The following NUP35 variants were observed in gnomAD, a reference collection of about 807,000 sequenced individuals.
NUP35 encodes nucleoporin NUP35.
A neutral mutation model predicts 41.5 loss-of-function variants in NUP35; 25 were observed. The observed-to-expected ratio is 0.60, with a 90% CI of 0.44 to 0.84. NUP35 has a LOEUF of 0.84. Ranked by LOEUF, NUP35 falls within the 40% of genes least tolerant of loss-of-function variation. NUP35 has a pLI of 0.00. For missense variants in NUP35, 396 were observed against 396.6 expected (o/e 1.00, Z 0.01); for synonymous variants, 149 against 130.7 (o/e 1.14, Z -0.96).
chr2:183,154,976 G>A (rs990482419), intron 5 of NUP35, among the ~76,000 whole-genome samples: 16 of 152,228 alleles, frequency 1.1e-4, no homozygotes, highest in South Asian at 4.2e-4. Flanking sequence ...AAGCAAAAGC[G>A]GAAGCCCCTG....
At chr2:183,139,999 A>G (rs1407929586) in intron 4 of NUP35, among the ~76,000 whole-genome samples, 2 of 152,246 alleles carry the variant, frequency 1.3e-5, no homozygotes, top group East Asian at 3.8e-4. Flanking sequence ...GTGTATTTGC[A>G]TCCAACTTGG....
At chr2:183,129,136 G>A (rs758665121) in intron 2 of NUP35, among the ~76,000 whole-genome samples, 33 of 152,190 alleles carry the variant, frequency 2.2e-4, no homozygotes, top group Non-Finnish European at 4.4e-4. Context: ...CAAAAGAAGT[G>A]TAACTTGAAG....
At chr2:183,147,978 T>G (rs1032053900) in intron 4 of NUP35, among the ~76,000 whole-genome samples, 1 of 152,134 alleles carries the variant, frequency 6.6e-6, no homozygotes, top group African/African-American at 2.4e-5. Flanking sequence ...GGTTCTCAGC[T>G]TGAATGTTAT....
chr2:183,157,608 A>T (rs1177581620), intron 6 of NUP35, 95 bp downstream of exon 6: 2 of 891,494 alleles, frequency 2.2e-6, no homozygotes, highest in Non-Finnish European at 1.8e-6. Context: ...GGTTTTTTTT[A>T]AACTTAAATT....
chr2:183,136,914 A>T (rs1362229211), intron 4 of NUP35, among the ~76,000 whole-genome samples: 1 of 152,008 alleles, frequency 6.6e-6, no homozygotes, highest in Non-Finnish European at 1.5e-5. Flanking sequence ...ATATGGGGAA[A>T]CCCTGTCTCT....
At chr2:183,121,412 A>G (rs546195486), upstream of NUP35, among the ~76,000 whole-genome samples, 40 of 152,176 alleles carry the variant, frequency 2.6e-4, no homozygotes, top group Admixed American at 1.4e-3. Flanking sequence ...AGGCCTAGGG[A>G]GGGTTTCAAT....
chr2:183,133,229 A>G (rs924539158), intron 3 of NUP35, among the ~76,000 whole-genome samples: 1 of 151,992 alleles, frequency 6.6e-6, no homozygotes, highest in Non-Finnish European at 1.5e-5. Context: ...GAACCTGGTC[A>G]TTTTAAAAAT....
In NUP35 at chr2:183,161,061, C is replaced by T. The variant is rs560967485; in HGVS notation, c.911C>T (p.Ser304Phe). 29 of 1,611,850 alleles carry T rather than the reference C, an allele frequency of 1.8e-5. No homozygotes were observed. The African/African-American group carries it at 3.9e-4, about 22-fold the overall frequency. ...KASTSDYQVI[S>F]DRQTPKKDES... ...GTGTGTGTTTTTTAATAGGTTATTT[C>T]TGACAGACAAACGCCAAAAAAAGAT... The change falls in exon 9 of 9, where the codon TCT becomes TTT. Residue 304 changes from serine (S) to phenylalanine (F), a missense_variant. Physicochemically the swap from Ser to Phe is radical, Grantham distance 155. Transcript: ENST00000295119.
At chr2:183,150,431 C>T (rs1685429328) in intron 4 of NUP35, among the ~76,000 whole-genome samples, 1 of 152,146 alleles carries the variant, frequency 6.6e-6, no homozygotes, top group Admixed American at 6.5e-5. Flanking sequence ...CATCTAAGAC[C>T]AATCATGTCT....
chr2:183,129,071 A>G (rs985381146), intron 2 of NUP35, among the ~76,000 whole-genome samples: 1 of 152,206 alleles, frequency 6.6e-6, no homozygotes, highest in African/African-American at 2.4e-5. Context: ...TTTAGCTTCA[A>G]CTGAATTCAT....
chr2:183,121,371 A>G (rs1700064768), upstream of NUP35, among the ~76,000 whole-genome samples: 1 of 152,102 alleles, frequency 6.6e-6, no homozygotes, highest in Non-Finnish European at 1.5e-5. Flanking sequence ...ATGAGAGAGA[A>G]ATTAGCACAT....
intron 8 of NUP35, chr2:183,160,529 C>G (rs542476676): frequency 6.6e-6 from 1 of 152,026 alleles, no homozygotes; most frequent in South Asian, 2.1e-4. Flanking sequence ...ATTACAGGCA[C>G]GTGCCACCAC....
rs1443259473 is a variant in NUP35, at chr2:183,128,440, G to C, written c.194G>C (p.Arg65Thr). 36 of 1,612,684 alleles carry C rather than the reference G, an allele frequency of 2.2e-5. No individual in the cohort carries two copies. Among genetic ancestry groups the C allele is most frequent in the Non-Finnish European group, 3.1e-5 (36 of 1,179,310 alleles). The change falls in exon 2 of 9, where the codon AGA (arginine) becomes ACA (threonine). Residue 65 changes from arginine to threonine, a missense_variant. Coordinates refer to ENST00000295119, the MANE Select transcript of NUP35 (RefSeq NM_138285.5). Reference protein sequence around the residue: ...SGPSVGVMEMRSPLLAGGSPP... With the variant: ...SGPSVGVMEMTSPLLAGGSPP... ...CCTTCAGTAGGAGTAATGGAAATGA[G>C]ATCACCTTTACTTGCAGGTAGGTGA...
chr2:183,128,287 G>T lies in NUP35; in HGVS notation c.41G>T (p.Gly14Val), dbSNP rs1174505895. ...FAVEPQGPAL[G>V]SEPMMLGSPT... Reference sequence around the variant, plus strand: ...TTAATTTATTTTTTGATTCATGTAGGATCTGAACCAATGATGCTGGGTTCA... The same window carrying T: ...TTAATTTATTTTTTGATTCATGTAGTATCTGAACCAATGATGCTGGGTTCA... Residue 14 changes from glycine to valine, a missense_variant and splice_region_variant, in exon 2 of 9, where the codon GGA becomes GTA. Gly to Val is a moderately radical substitution (Grantham distance 109). Coordinates refer to ENST00000295119, the MANE Select transcript of NUP35 (RefSeq NM_138285.5). 3.1e-6 allele frequency: 5 copies of T among 1,605,416 alleles called. No homozygotes were observed. The highest frequency in any genetic ancestry group is 4.3e-6 in the Non-Finnish European group (5 of 1,174,878).
chr2:183,158,192 T>G (rs1685740447), intron 6 of NUP35, 91 bp from the exon 7 acceptor site: 1 of 1,000,152 alleles, frequency 1.0e-6, no homozygotes, highest in Non-Finnish European at 1.4e-6. Flanking sequence ...GGAAGTAAAT[T>G]TATCTTACCA....
At chr2:183,131,028 C>G in intron 3 of NUP35, 1 of 652,604 alleles carries the variant, frequency 1.5e-6, no homozygotes, top group South Asian at 1.5e-5. Context: ...GTTGCCCAGG[C>G]TAGAGTGCAG....
At chr2:183,153,445 G>A (rs573352325) in intron 5 of NUP35, among the ~76,000 whole-genome samples, 1 of 152,188 alleles carries the variant, frequency 6.6e-6, no homozygotes, top group Non-Finnish European at 1.5e-5. Flanking sequence ...ATACAGTGGG[G>A]TTATAGGAAT....
chr2:183,125,257 C>G (rs893947224), intron 1 of NUP35, among the ~76,000 whole-genome samples: 3 of 151,872 alleles, frequency 2.0e-5, no homozygotes, highest in African/African-American at 7.3e-5. Context: ...AAATCTACCA[C>G]TTTAACAGCA....
At chr2:183,153,853 G>A (rs375962674) in intron 5 of NUP35, among the ~76,000 whole-genome samples, 4 of 152,180 alleles carry the variant, frequency 2.6e-5, no homozygotes, top group East Asian at 1.9e-4. Context: ...GTTCCCTTCC[G>A]CACTGCCCTA....
Sources: allele counts gnomAD v4.1 joint callset (sites outside exome capture counted in the v4.1 genomes callset), GRCh38; gene constraint gnomAD v4.1.1; transcripts MANE v1.5; gene names NCBI Gene and HGNC (gene_info 2026-07-23, HGNC 2026-07-21).